DMXL2: variants seen among roughly 807,000 people sequenced by gnomAD.
DMXL2 encodes the protein Dmx like 2, also known as dmX-like protein 2.
DMXL2 carries 103 observed loss-of-function variants against 331.1 expected under a neutral mutation model. The observed-to-expected ratio is 0.31, with a 90% CI of 0.27 to 0.37. The LOEUF is 0.37. Among genes scored for constraint, DMXL2 ranks in the 10% least tolerant of loss-of-function variants. The probability of loss-of-function intolerance (pLI) is 1.00; values close to 1 mark genes in which losing one functional copy is unlikely to be tolerated. For synonymous variants in DMXL2, 1,281 were observed against 1,252.1 expected (o/e 1.02, Z -0.49); for missense variants, 3,171 against 3,642.9 (o/e 0.87, Z 3.33).
chr15:51,571,439 T>C (rs550133493), intron 2 of DMXL2, among the ~76,000 whole-genome samples: 65 of 152,208 alleles, frequency 4.3e-4, no homozygotes, highest in African/African-American at 1.5e-3. Flanking sequence ...GCAGACATAA[T>C]AGACATCTAC....
rs750769057 is a variant in DMXL2, at chr15:51,565,079, G to C, written c.364+9C>G. ...AATTTAAATAATTTTAAATACAATT[G>C]CTAAATACCTTGAGGATCCCATGCT... On this transcript the variant is annotated intron_variant, in intron 4 of 43. Coordinates refer to ENST00000560891, the MANE Select transcript of DMXL2 (RefSeq NM_001378457.1). 5 of 1,472,216 alleles carry C rather than the reference G, an allele frequency of 3.4e-6. No homozygotes were observed. Among genetic ancestry groups the C allele is most frequent in the Non-Finnish European group, 2.7e-6 (3 of 1,107,052 alleles). 91.2% of individuals were successfully genotyped at this position (1,472,216 alleles called of 1,614,324 possible).
At chr15:51,582,731 A>C (rs28695624) in intron 1 of DMXL2, among the ~76,000 whole-genome samples, 72,494 of 151,900 alleles carry the variant, frequency 0.48, 17,674 homozygotes, top group Non-Finnish European at 0.52. Flanking sequence ...AGTCACATAT[A>C]CATTGAAATC....
At chr15:51,545,861 T>C (rs1036736679) in intron 7 of DMXL2, 95 bp from the exon 8 acceptor site, 15 of 960,692 alleles carry the variant, frequency 1.6e-5, no homozygotes, top group Non-Finnish European at 2.2e-5. Flanking sequence ...ATAACATTAG[T>C]GCAAAACACT....
chr15:51,473,701 C>A (rs182323552), intron 28 of DMXL2, among the ~76,000 whole-genome samples: 12 of 152,086 alleles, frequency 7.9e-5, no homozygotes, highest in Non-Finnish European at 1.8e-4. Flanking sequence ...ATCTTTCCTG[C>A]GGCATCAGTC....
intron 17 of DMXL2, among the ~76,000 whole-genome samples, chr15:51,502,312 G>GTGTGTA (rs1360072370): frequency 2.0e-5 from 3 of 150,392 alleles, no homozygotes; most frequent in Non-Finnish European, 4.4e-5. Flanking sequence ...GGGTTTGTGT[G>GTGTGTA]TGTGTGTGTG....
intron 1 of DMXL2, among the ~76,000 whole-genome samples, chr15:51,578,920 C>T (rs2051225135): frequency 6.6e-6 from 1 of 151,800 alleles, no homozygotes; most frequent in South Asian, 2.1e-4. Context: ...GCCTGGGAAA[C>T]ACAGTGAGAC....
In DMXL2 at chr15:51,480,016, T is replaced by A; in HGVS notation, c.6688A>T (p.Ile2230Phe). The A allele has an allele frequency of 6.3e-7, 1 of 1,592,970 alleles. No individual in the cohort carries two copies. Among genetic ancestry groups the A allele is most frequent in the Non-Finnish European group, 8.6e-7 (1 of 1,163,646 alleles). ...ACAATAGTATAAAGTATATCATGGA[T>A]GTGATTATTTAAGTACAATACAGGA... is the stretch of plus-strand genomic sequence containing the variant. ...ANPVLYLNNH[I>F]HDILYTIVQM... The change falls in exon 25 of 44, where the codon ATC becomes TTC. Residue 2230 changes from isoleucine to phenylalanine, a missense_variant. By Grantham distance (21) the Ile-to-Phe change is conservative. Around this residue, in one of 7 missense-constraint regions of DMXL2, gnomAD observed 197 missense variants for 196.2 expected, o/e 1.00. Transcript: ENST00000560891.
chr15:51,498,941 G>T lies in DMXL2; in HGVS notation c.4283C>A (p.Pro1428Gln). 1 of 1,614,060 alleles carries T rather than the reference G, an allele frequency of 6.2e-7. No individual in the cohort carries two copies. The highest frequency in any genetic ancestry group is 8.5e-7 in the Non-Finnish European group (1 of 1,180,004). Reference sequence around the variant, plus strand: ...AGCAAGTAATGCATATAGTGGTAGTGGAGGGATAGAATCTATCTCAGTATA... The same window carrying T: ...AGCAAGTAATGCATATAGTGGTAGTTGAGGGATAGAATCTATCTCAGTATA... ...RDYTEIDSIPPLPLYALLAAD... is the reference protein window; with the variant it reads ...RDYTEIDSIPQLPLYALLAAD... The change falls in exon 18 of 44, where the codon CCA becomes CAA. Residue 1428 changes from proline to glutamine, a missense_variant. Pro to Gln is a moderately conservative substitution (Grantham distance 76, BLOSUM62 -1). Around this residue, in one of 7 missense-constraint regions of DMXL2, gnomAD observed 1,674 missense variants for 1,780.2 expected, o/e 0.94. Coordinates refer to ENST00000560891, the MANE Select transcript of DMXL2 (RefSeq NM_001378457.1).
At chr15:51,521,480 G>A (rs1464554870) in intron 13 of DMXL2, among the ~76,000 whole-genome samples, 2 of 150,862 alleles carry the variant, frequency 1.3e-5, no homozygotes, top group Non-Finnish European at 2.9e-5. Context: ...GGTAGTAGTA[G>A]TAGTAGTAGC....
chr15:51,536,710 G>C lies in DMXL2; in HGVS notation c.1770C>G (p.His590Gln). The change falls in exon 12 of 44, where the codon CAC becomes CAG. Residue 590 changes from histidine to glutamine, a missense_variant. By Grantham distance (24) the His-to-Gln change is conservative (BLOSUM62 0). Around this residue, in one of 7 missense-constraint regions of DMXL2, gnomAD observed 1,674 missense variants for 1,780.2 expected, o/e 0.94. Transcript: ENST00000560891. ...HQEGMSVGSP[H>Q]GSQPHSRSHS... ...GGGATCTAGAGTGTGGCTGTGATCC[G>C]TGAGGACTGCCTACAGACATCCCCT... 1 of 1,614,002 alleles carries C rather than the reference G, an allele frequency of 6.2e-7. No homozygotes were observed. The highest frequency in any genetic ancestry group is 8.5e-7 in the Non-Finnish European group (1 of 1,179,982).
intron 6 of DMXL2, among the ~76,000 whole-genome samples, chr15:51,561,602 T>A (rs1412332950): frequency 2.0e-5 from 3 of 152,152 alleles, no homozygotes; most frequent in Non-Finnish European, 4.4e-5. Context: ...CAGGTGCCAG[T>A]GGTTATGGAA....
At chr15:51,608,911 T>C (rs186548907) in intron 1 of DMXL2, among the ~76,000 whole-genome samples, 10 of 152,288 alleles carry the variant, frequency 6.6e-5, no homozygotes, top group Non-Finnish European at 1.2e-4. Flanking sequence ...AAGAGCAAAG[T>C]AACATATGGG....
intron 2 of DMXL2, among the ~76,000 whole-genome samples, chr15:51,571,389 T>C (rs1438947218): frequency 6.6e-6 from 1 of 151,892 alleles, no homozygotes; most frequent in African/African-American, 2.4e-5. Context: ...AGACAGAAAA[T>C]TAACAAGGAT....
chr15:51,622,429 C>T lies in DMXL2; in HGVS notation c.87+30G>A, dbSNP rs1398959663. 3.9e-6 allele frequency: 6 copies of T among 1,551,796 alleles called. No individual in the cohort carries two copies. The South Asian group carries it at 4.8e-5, about 12-fold the overall frequency. The stretch of plus-strand genomic sequence containing the variant: ...TGCCCCCGCGTCTGGCCCCTGGTAT[C>T]TTCCCCTAGGGCTCCCGGCCGCCGC... On this transcript the variant is annotated intron_variant, in intron 1 of 43. Transcript: ENST00000560891.
At chr15:51,537,374 T>A in intron 11 of DMXL2, 114 bp downstream of exon 11, 1 of 973,448 alleles carries the variant, frequency 1.0e-6, no homozygotes, top group South Asian at 1.8e-5. Flanking sequence ...TTTACTCAGA[T>A]GCTTATCAAA....
In DMXL2 at chr15:51,565,138, C is replaced by A; in HGVS notation, c.314G>T (p.Gly105Val). ...CQLKCQWLKT[G>V]QFFLSSVTYN... Reference sequence around the variant, plus strand: ...TGTCACAGAACTCAAAAAAAACTGCCCAGTTTTAAGCCACTGGCACTTGAG... The same window carrying A: ...TGTCACAGAACTCAAAAAAAACTGCACAGTTTTAAGCCACTGGCACTTGAG... Residue 105 changes from glycine to valine, a missense_variant, in exon 4 of 44, where the codon GGG becomes GTG. By Grantham distance (109) the Gly-to-Val change is moderately radical. Coordinates refer to ENST00000560891, the MANE Select transcript of DMXL2 (RefSeq NM_001378457.1). 3 of 1,583,848 alleles carry A rather than the reference C, an allele frequency of 1.9e-6. No individual in the cohort carries two copies. Among genetic ancestry groups the A allele is most frequent in the Non-Finnish European group, 1.7e-6 (2 of 1,166,814 alleles).
In DMXL2 at chr15:51,565,175, C is replaced by G; in HGVS notation, c.286-9G>C. ...CACTGGCACTTGAGTTGCTGAAATA[C>G]GTAGACAAAAAGAAATAAGAAAAAA... On this transcript the variant is annotated splice_polypyrimidine_tract_variant and intron_variant, in intron 3 of 43. Coordinates refer to ENST00000560891, the MANE Select transcript of DMXL2 (RefSeq NM_001378457.1). The G allele has an allele frequency of 6.5e-7, 1 of 1,545,118 alleles. No homozygotes were observed. Among genetic ancestry groups the G allele is most frequent in the Non-Finnish European group, 8.7e-7 (1 of 1,148,444 alleles).
chr15:51,515,524 C>T (rs527257603), intron 14 of DMXL2, among the ~76,000 whole-genome samples: 38 of 152,246 alleles, frequency 2.5e-4, no homozygotes, highest in Middle Eastern at 6.8e-3. Context: ...TCTTCACATT[C>T]ATTGTCTAGG....
intron 13 of DMXL2, among the ~76,000 whole-genome samples, chr15:51,534,805 T>A (rs1392341488): frequency 6.6e-6 from 1 of 152,180 alleles, no homozygotes; most frequent in Admixed American, 6.5e-5. Context: ...CTAAATCTTA[T>A]CCACTCATCA....
Sources: gnomAD v4.1 joint callset for allele counts (sites outside exome capture counted in the v4.1 genomes callset) on GRCh38, gnomAD v4.1.1 for gene constraint, gnomAD v4.1.1 regional missense constraint, MANE v1.5 for transcripts, NCBI Gene and HGNC (gene_info 2026-07-23, HGNC 2026-07-21) for gene names.